BNC2: variants seen among roughly 807,000 people sequenced by gnomAD.
The protein encoded by BNC2 is zinc finger protein basonuclin-2.
In BNC2, 20 loss-of-function variants were observed where a neutral mutation model predicts 76.3. The ratio of observed to expected loss-of-function variants is 0.26; its 90% CI spans 0.18 to 0.38. BNC2 has a LOEUF of 0.38. Among genes scored for constraint, BNC2 ranks in the 10% least tolerant of loss-of-function variants. The probability of loss-of-function intolerance (pLI) is 1.00; values close to 1 mark genes in which losing one functional copy is unlikely to be tolerated. For synonymous variants in BNC2, 582 were observed against 514.8 expected, an observed-to-expected ratio of 1.13 and a Z score of -1.77; for missense variants, 1,382 against 1,399.8, an observed-to-expected ratio of 0.99 and a Z score of 0.20.
Position 16,437,063 on chromosome 9 carries a change from C to G in BNC2, c.1131G>C (p.Lys377Asn). 1 of 1,614,082 alleles carries G rather than the reference C, an allele frequency of 6.2e-7. No individual in the cohort carries two copies. Among genetic ancestry groups the G allele is most frequent in the Non-Finnish European group, 8.5e-7 (1 of 1,180,026 alleles). The change falls in exon 6 of 7, where the codon AAG becomes AAC. Residue 377 changes from lysine (K) to asparagine (N), a missense_variant. Physicochemically the swap from Lys to Asn is moderately conservative, Grantham distance 94 (BLOSUM62 0). Around this residue, in one of 3 missense-constraint regions of BNC2, gnomAD observed 557 missense variants for 540.9 expected, o/e 1.03. Coordinates refer to ENST00000380672, the MANE Select transcript of BNC2 (RefSeq NM_017637.6). ...SESEVSPTPY[K>N]NDQTPNRNAL... ...CATTTCTATTGGGTGTTTGATCATT[C>G]TTATAAGGTGTGGGAGAAACTTCGG...
chr9:16,431,365 C>A, intron 6 of BNC2: 1 of 408,740 alleles, frequency 2.4e-6, no homozygotes. Context: ...AAAATCAAGT[C>A]AGAGTATGAG....
Position 16,683,754 on chromosome 9 carries a change from G to A in BNC2, c.330+44043C>T, listed in dbSNP as rs542669635. On this transcript the variant is annotated intron_variant, in intron 3 of 6. Transcript: ENST00000380672. ...TATGTACTAGGTATTTCTAAAATGT[G>A]CAGAAGAAGCACATTTAGGAAGGCA... is the stretch of plus-strand genomic sequence containing the variant. Among the ~76,000 whole-genome samples the A allele has an allele frequency of 5.9e-5, 9 of 152,308 alleles. No individual in the cohort carries two copies. In the East Asian group the frequency reaches 1.7e-3, roughly 29 times the overall value.
intron 4 of BNC2, 96 bp downstream of exon 4, chr9:16,582,887 A>C: frequency 1.0e-6 from 1 of 962,196 alleles, no homozygotes; most frequent in Non-Finnish European, 1.6e-6. Flanking sequence ...TGACTCCTCT[A>C]AACAGACACA....
At chr9:16,674,278 A>C (rs1822571122) in intron 3 of BNC2, among the ~76,000 whole-genome samples, 1 of 152,220 alleles carries the variant, frequency 6.6e-6, no homozygotes, top group African/African-American at 2.4e-5. Flanking sequence ...ACCATTGAAT[A>C]GTTAGAAATA....
intron 3 of BNC2, among the ~76,000 whole-genome samples, chr9:16,673,366 T>C (rs916658658): frequency 4.0e-5 from 6 of 151,238 alleles, no homozygotes; most frequent in Non-Finnish European, 8.8e-5. Context: ...AAGCACTTCA[T>C]TCTTCTAGGG....
chr9:16,564,781 C>G (rs942093248), intron 4 of BNC2, among the ~76,000 whole-genome samples: 2 of 151,748 alleles, frequency 1.3e-5, no homozygotes, highest in Non-Finnish European at 2.9e-5. Flanking sequence ...ATCCCACCAC[C>G]CAAAACAATG....
At chr9:16,800,452 A>G (rs200706442) in intron 1 of BNC2, among the ~76,000 whole-genome samples, 1 of 152,162 alleles carries the variant, frequency 6.6e-6, no homozygotes, top group East Asian at 1.9e-4. Context: ...TGTCTAATAA[A>G]GTTGAGGGGA....
chr9:16,435,703 C>A lies in BNC2; in HGVS notation c.2491G>T (p.Asp831Tyr). 1 of 1,614,118 alleles carries A rather than the reference C, an allele frequency of 6.2e-7. No homozygotes were observed. Among genetic ancestry groups the A allele is most frequent in the Non-Finnish European group, 8.5e-7 (1 of 1,180,032 alleles). ...TTGCACACATAACAGATTTTGGGGTCTGGGCTAGAACATAGGTCACCTTCT... is the reference window on the plus strand; with the variant it reads ...TTGCACACATAACAGATTTTGGGGTATGGGCTAGAACATAGGTCACCTTCT... ...SPEGDLCSSP[D>Y]PKICYVCKKS... Residue 831 changes from aspartate (D) to tyrosine (Y), a missense_variant, in exon 6 of 7, where the codon GAC (aspartate) becomes TAC (tyrosine). This residue lies in a region of BNC2 where 798 missense variants were observed against 775.5 expected (regional missense o/e 1.03). Transcript: ENST00000380672.
At chr9:16,795,512 A>T (rs1177357562) in intron 1 of BNC2, among the ~76,000 whole-genome samples, 1 of 152,074 alleles carries the variant, frequency 6.6e-6, no homozygotes, top group African/African-American at 2.4e-5. Flanking sequence ...CCAGACGGCC[A>T]TGCAATTATA....
intron 3 of BNC2, among the ~76,000 whole-genome samples, chr9:16,668,955 T>G (rs991196899): frequency 6.6e-6 from 1 of 152,174 alleles, no homozygotes; most frequent in Non-Finnish European, 1.5e-5. Flanking sequence ...TGTGAGTAAG[T>G]TGACGCAGTG....
chr9:16,559,613 A>G (rs1818950283), intron 4 of BNC2, among the ~76,000 whole-genome samples: 1 of 152,244 alleles, frequency 6.6e-6, no homozygotes, highest in Non-Finnish European at 1.5e-5. Context: ...CCTAACTGCC[A>G]GCAATCTGGG....
intron 1 of BNC2, among the ~76,000 whole-genome samples, chr9:16,751,301 G>A (rs1271846977): frequency 6.6e-6 from 1 of 150,448 alleles, no homozygotes; most frequent in Non-Finnish European, 1.5e-5. Context: ...TGTGAGCACT[G>A]GAGTACTGGA....
intron 3 of BNC2, among the ~76,000 whole-genome samples, chr9:16,614,132 C>G (rs994637019): frequency 6.6e-6 from 1 of 152,102 alleles, no homozygotes; most frequent in Non-Finnish European, 1.5e-5. Flanking sequence ...GGGATTGAAA[C>G]CCAAAAATGT....
chr9:16,621,727 G>C (rs1820872394), intron 3 of BNC2, among the ~76,000 whole-genome samples: 1 of 152,108 alleles, frequency 6.6e-6, no homozygotes, highest in African/African-American at 2.4e-5. Flanking sequence ...TGTGGGTATT[G>C]ACCACGTGAA....
intron 1 of BNC2, among the ~76,000 whole-genome samples, chr9:16,746,830 C>T (rs1194847757): frequency 1.3e-5 from 2 of 151,462 alleles, no homozygotes; most frequent in African/African-American, 4.8e-5. Context: ...GGCGTGGTGG[C>T]GGGTGCCTGT....
At chr9:16,751,773 G>A (rs1327284953) in intron 1 of BNC2, among the ~76,000 whole-genome samples, 1 of 152,004 alleles carries the variant, frequency 6.6e-6, no homozygotes, top group Non-Finnish European at 1.5e-5. Flanking sequence ...GCTCACGCCT[G>A]TAATCTCAGC....
At chr9:16,670,612 T>C (rs1320451515) in intron 3 of BNC2, among the ~76,000 whole-genome samples, 1 of 152,198 alleles carries the variant, frequency 6.6e-6, no homozygotes, top group East Asian at 1.9e-4. Context: ...AAAAGGGAAA[T>C]GCGTTACCTA....
intron 3 of BNC2, among the ~76,000 whole-genome samples, chr9:16,672,366 G>A (rs1021107749): frequency 6.6e-5 from 10 of 152,124 alleles, no homozygotes; most frequent in Middle Eastern, 3.4e-3. Context: ...GCATGGTGGC[G>A]GGCACCTGTA....
At chr9:16,511,657 G>C (rs1364127270) in intron 5 of BNC2, among the ~76,000 whole-genome samples, 3 of 151,908 alleles carry the variant, frequency 2.0e-5, no homozygotes, top group Non-Finnish European at 2.9e-5. Flanking sequence ...TTGAACTTCT[G>C]AGCTCAAGGA....
Sources: allele counts gnomAD v4.1 joint callset (sites outside exome capture counted in the v4.1 genomes callset), GRCh38; gene constraint gnomAD v4.1.1; regional missense constraint gnomAD v4.1.1; transcripts MANE v1.5; gene names NCBI Gene and HGNC (gene_info 2026-07-23, HGNC 2026-07-21).